The following PDYN variants were observed in gnomAD, a reference collection of about 807,000 sequenced individuals.
PDYN encodes the protein proenkephalin-B.
Under a neutral mutation model 11.4 loss-of-function variants are expected in PDYN, and 5 were observed. The ratio of observed to expected loss-of-function variants is 0.44; its 90% CI spans 0.23 to 0.92. The LOEUF (loss-of-function observed/expected upper bound fraction) is 0.92, where lower values mean the gene tolerates loss of function less well. PDYN is among the 40% of genes least tolerant of loss of function. PDYN has a pLI of 0.24. For synonymous variants in PDYN, 132 were observed against 129.5 expected, an observed-to-expected ratio of 1.02 and a Z score of -0.13; for missense variants, 337 against 317.3, an observed-to-expected ratio of 1.06 and a Z score of -0.47.
In PDYN at chr20:1,980,305, C is replaced by A. The variant is rs758642883; in HGVS notation, c.*18G>T. 3.8e-5 allele frequency: 61 copies of A among 1,613,724 alleles called. No individual in the cohort carries two copies. The highest frequency in any genetic ancestry group is 5.1e-5 in the Non-Finnish European group (60 of 1,179,826). ...GTGTCAGGGGTTTCTCCTGACTCTA[C>A]TCCATGAAAAGAGGTGCTTATGCAT... On this transcript the variant is annotated 3_prime_UTR_variant, in exon 4 of 4. Transcript: ENST00000217305.
At position 1,980,186 on chromosome 20, in the gene PDYN, A is replaced by T; in HGVS notation, c.*137T>A. On this transcript the variant is annotated 3_prime_UTR_variant, in exon 4 of 4. Coordinates refer to ENST00000217305, the MANE Select transcript of PDYN (RefSeq NM_024411.5). The stretch of plus-strand genomic sequence containing the variant: ...ACATACTCCCACGCAGAAGAGAGAT[A>T]GGCTGGGCTTGGATATTTTGTACAC... The T allele has an allele frequency of 1.1e-6, 1 of 894,150 alleles. No homozygotes were observed. The highest frequency in any genetic ancestry group is 1.8e-6 in the Non-Finnish European group (1 of 545,790). 55.4% of individuals were successfully genotyped at this position (894,150 alleles called of 1,614,324 possible).
Position 1,980,257 on chromosome 20 carries a change from T to C in PDYN, c.*66A>G. On this transcript the variant is annotated 3_prime_UTR_variant, in exon 4 of 4. Coordinates refer to ENST00000217305, the MANE Select transcript of PDYN (RefSeq NM_024411.5). ...GAAGGGGCACATATAAGAGGATGAA[T>C]GAATGCACTCCAACCTGAAAAGGTG... is the stretch of plus-strand genomic sequence containing the variant. 6.7e-7 allele frequency: 1 copy of C among 1,496,550 alleles called. No homozygotes were observed. Among genetic ancestry groups the C allele is most frequent in the Non-Finnish European group, 9.3e-7 (1 of 1,074,096 alleles). 92.7% of individuals were successfully genotyped at this position (1,496,550 alleles called of 1,614,324 possible). A position where few individuals can be genotyped will look rare whatever the true frequency, so the allele number is the denominator to read the frequency against.
intron 2 of PDYN, among the ~76,000 whole-genome samples, chr20:1,986,941 T>C (rs560716161): frequency 2.6e-5 from 4 of 152,352 alleles, no homozygotes; most frequent in Admixed American, 2.6e-4. Context: ...CTCAGTTGCC[T>C]CTTCCAGGAA....
intron 2 of PDYN, among the ~76,000 whole-genome samples, chr20:1,987,610 A>T (rs1988248136): frequency 6.6e-6 from 1 of 152,140 alleles, no homozygotes; most frequent in African/African-American, 2.4e-5. Flanking sequence ...TGGAAGGGAC[A>T]CAGCTGTTGA....
At chr20:1,989,957 T>G (rs1465225385) in intron 2 of PDYN, among the ~76,000 whole-genome samples, 1 of 152,076 alleles carries the variant, frequency 6.6e-6, no homozygotes, top group Non-Finnish European at 1.5e-5. Flanking sequence ...ATATTACAGC[T>G]TGGGATCCAG....
intron 2 of PDYN, among the ~76,000 whole-genome samples, chr20:1,990,269 G>T (rs1332285938): frequency 1.3e-5 from 2 of 152,168 alleles, no homozygotes; most frequent in Non-Finnish European, 2.9e-5. Flanking sequence ...TGCTGACCAC[G>T]CCACAAACCA....
intron 2 of PDYN, among the ~76,000 whole-genome samples, chr20:1,988,653 G>A (rs1381290051): frequency 6.6e-6 from 1 of 152,194 alleles, no homozygotes; most frequent in African/African-American, 2.4e-5. Flanking sequence ...TCACAGACTT[G>A]GCCAAGGACC....
intron 3 of PDYN, among the ~76,000 whole-genome samples, chr20:1,981,398 G>A (rs776984726): frequency 9.2e-5 from 14 of 152,178 alleles, no homozygotes; most frequent in Non-Finnish European, 2.1e-4. Context: ...GAACACACAG[G>A]AGAGGACACA....
At chr20:1,984,767 C>T (rs566643297) in intron 2 of PDYN, among the ~76,000 whole-genome samples, 89 of 152,086 alleles carry the variant, frequency 5.9e-4, no homozygotes, top group African/African-American at 2.1e-3. Context: ...GGAAGAGTGG[C>T]ATGTACCTGT....
chr20:1,987,292 C>T (rs913333534), intron 2 of PDYN, among the ~76,000 whole-genome samples: 4 of 152,106 alleles, frequency 2.6e-5, no homozygotes, highest in African/African-American at 7.2e-5. Flanking sequence ...GTCCCAGTAC[C>T]TCATACAGGG....
At chr20:1,985,880 G>A (rs1476710461) in intron 2 of PDYN, among the ~76,000 whole-genome samples, 2 of 152,154 alleles carry the variant, frequency 1.3e-5, no homozygotes, top group Admixed American at 6.5e-5. Flanking sequence ...GGCTGGGCTG[G>A]CCTGTTAGAA....
chr20:1,992,766 T>C (rs1988507179), intron 1 of PDYN, 123 bp from the exon 2 acceptor site: 1 of 152,090 alleles, frequency 6.6e-6, no homozygotes, highest in African/African-American at 2.4e-5. Context: ...CAGAAGAGGA[T>C]CGACATTCTG....
chr20:1,987,191 G>C (rs1182854942), intron 2 of PDYN, among the ~76,000 whole-genome samples: 1 of 152,106 alleles, frequency 6.6e-6, no homozygotes, highest in Admixed American at 6.5e-5. Context: ...CATAGGCCAA[G>C]GGAGAGTTTG....
chr20:1,986,164 C>A (rs1386558923), intron 2 of PDYN, among the ~76,000 whole-genome samples: 2 of 152,204 alleles, frequency 1.3e-5, no homozygotes, highest in Non-Finnish European at 2.9e-5. Flanking sequence ...CTCTACAGCA[C>A]TGGTGCTGTT....
rs562699418 is a variant in PDYN at position 1,984,547 on chromosome 20, G to A, written c.-19-1444C>T. On this transcript the variant is annotated intron_variant, in intron 2 of 3. Transcript: ENST00000217305. Reference sequence around the variant, plus strand: ...CTCCTAAAACCCCGGCCAGCACATCGCAGGTCCTCCATAAATTCTTGGCAG... The same window carrying A: ...CTCCTAAAACCCCGGCCAGCACATCACAGGTCCTCCATAAATTCTTGGCAG... Among the ~76,000 whole-genome samples, 11 of 152,196 alleles carry A rather than the reference G, an allele frequency of 7.2e-5. No individual in the cohort carries two copies. The East Asian group carries it at 9.7e-4, about 13-fold the overall frequency.
intron 3 of PDYN, among the ~76,000 whole-genome samples, chr20:1,982,450 A>T (rs1987878080): frequency 6.6e-6 from 1 of 151,888 alleles, no homozygotes; most frequent in South Asian, 2.1e-4. Context: ...CATGGGAGAG[A>T]CATGTGGGGG....
At chr20:1,986,741 T>C (rs1419212885) in intron 2 of PDYN, among the ~76,000 whole-genome samples, 1 of 152,220 alleles carries the variant, frequency 6.6e-6, no homozygotes. Flanking sequence ...CCAGACAGAT[T>C]GGATGTGAGT....
chr20:1,988,446 G>A (rs1478288900), intron 2 of PDYN, among the ~76,000 whole-genome samples: 1 of 152,206 alleles, frequency 6.6e-6, no homozygotes, highest in Non-Finnish European at 1.5e-5. Flanking sequence ...TTCTGATGGG[G>A]ATTTGCCAAG....
Position 1,990,569 on chromosome 20 carries a change from G to A in PDYN, c.-20+2015C>T, listed in dbSNP as rs1485987667. Among the ~76,000 whole-genome samples, 10 of 152,316 alleles carry A rather than the reference G, an allele frequency of 6.6e-5. No individual in the cohort carries two copies. In the East Asian group the frequency reaches 9.6e-4, roughly 15 times the overall value. On this transcript the variant is annotated intron_variant, in intron 2 of 3. Coordinates refer to ENST00000217305, the MANE Select transcript of PDYN (RefSeq NM_024411.5). ...CTGGCAAAGATCAAAGCACAGAATC[G>A]GATGAGGGTCCCGTTTGGTGGTCGG...
Sources: allele counts gnomAD v4.1 joint callset (sites outside exome capture counted in the v4.1 genomes callset), GRCh38; gene constraint gnomAD v4.1.1; transcripts MANE v1.5; gene names NCBI Gene and HGNC (gene_info 2026-07-23, HGNC 2026-07-21).